Variants in HTRA3 observed in about 807,000 individuals in gnomAD.
HTRA3 encodes HtrA serine peptidase 3.
HTRA3 carries 41 observed loss-of-function variants against 43.2 expected under a neutral mutation model. That is an observed-to-expected ratio of 0.95 (90% confidence interval 0.74 to 1.23). HTRA3 has a LOEUF of 1.23. Ranked by LOEUF, HTRA3 falls within the 50% of genes most tolerant of loss-of-function variation. The probability of loss-of-function intolerance (pLI) is 0.00; values close to 1 mark genes in which losing one functional copy is unlikely to be tolerated. For missense variants in HTRA3, 628 were observed against 647.1 expected, an observed-to-expected ratio of 0.97 and a Z score of 0.32; for synonymous variants, 295 against 287.9, an observed-to-expected ratio of 1.02 and a Z score of -0.25.
rs1424630584 is a variant in HTRA3, at chr4:8,291,370, A to C, written c.709A>C (p.Lys237Gln). 1 of 1,613,286 alleles carries C rather than the reference A, an allele frequency of 6.2e-7. No individual in the cohort carries two copies. Among genetic ancestry groups the C allele is most frequent in the South Asian group, 1.1e-5 (1 of 91,082 alleles). ...TGTGTCTTCTCCTTCTCTCTCCTAG[A>C]AAAAGCTCCCTGTGTTGTTGCTGGG... Reference protein sequence around the residue: ...DIATIKIHPKKKLPVLLLGHS... With the variant: ...DIATIKIHPKQKLPVLLLGHS... The change falls in exon 4 of 9, where the codon AAA becomes CAA. Residue 237 changes from lysine (K) to glutamine (Q), a missense_variant and splice_region_variant. Physicochemically the swap from Lys to Gln is moderately conservative, Grantham distance 53. Transcript: ENST00000307358.
intron 2 of HTRA3, among the ~76,000 whole-genome samples, chr4:8,284,042 A>T (rs1183826612): frequency 2.0e-5 from 3 of 152,040 alleles, no homozygotes; most frequent in Non-Finnish European, 1.5e-5. Context: ...GGCATATAGC[A>T]CCTCAGCATC....
intron 1 of HTRA3, among the ~76,000 whole-genome samples, chr4:8,278,491 A>G (rs918931260): frequency 2.0e-5 from 3 of 151,364 alleles, no homozygotes; most frequent in African/African-American, 7.3e-5. Flanking sequence ...GTTGTCAAAA[A>G]CCCCCAAATA....
At position 8,270,179 on chromosome 4, in the gene HTRA3, G is replaced by A. The variant is rs1460984845; in HGVS notation, c.211G>A (p.Gly71Ser). The A allele has an allele frequency of 2.6e-6, 4 of 1,536,188 alleles. No individual in the cohort carries two copies. In the African/African-American group the frequency reaches 5.7e-5, roughly 22 times the overall value. Residue 71 changes from glycine (G) to serine (S), a missense_variant, in exon 1 of 9, where the codon GGC becomes AGC. Coordinates refer to ENST00000307358, the MANE Select transcript of HTRA3 (RefSeq NM_053044.5). ...TGGCGGCCCTCTGGACTCGCCTTGC[G>A]GCGAGAGCCTGGAGTGCGTGCGCGG... ...PCGGPLDSPC[G>S]ESLECVRGLC...
intron 1 of HTRA3, among the ~76,000 whole-genome samples, chr4:8,278,706 G>T (rs541807682): frequency 1.3e-5 from 2 of 152,314 alleles, no homozygotes; most frequent in East Asian, 3.9e-4. Flanking sequence ...CTGCAGGGGT[G>T]CCCCAGGCTC....
chr4:8,277,222 G>C (rs960328531), intron 1 of HTRA3, among the ~76,000 whole-genome samples: 4 of 152,180 alleles, frequency 2.6e-5, no homozygotes, highest in African/African-American at 9.7e-5. Context: ...TTCACTAGGG[G>C]ACAGGCAAGT....
intron 6 of HTRA3, among the ~76,000 whole-genome samples, chr4:8,301,144 TCA>T (rs914291170): frequency 2.1e-5 from 2 of 96,308 alleles, no homozygotes; most frequent in Admixed American, 1.2e-4. Context: ...CTTATTAGAT[TCA>T]CACTCTTTAT....
At position 8,269,897 on chromosome 4, in the gene HTRA3, G is replaced by C; in HGVS notation, c.-72G>C. 1.3e-6 allele frequency: 1 copy of C among 756,774 alleles called. No individual in the cohort carries two copies. Among genetic ancestry groups the C allele is most frequent in the Non-Finnish European group, 1.6e-6 (1 of 617,562 alleles). The allele number at this position is 756,774 out of a possible 1,614,324, so 46.9% of individuals were successfully genotyped here. On this transcript the variant is annotated 5_prime_UTR_variant, in exon 1 of 9. Transcript: ENST00000307358. ...CCGTAGGCGCCCGGCGCCCGGCCCC[G>C]CAGCGGCCTCGTTGTCCCCGCCGGC...
At chr4:8,276,535 G>C (rs1173336883) in intron 1 of HTRA3, among the ~76,000 whole-genome samples, 2 of 152,238 alleles carry the variant, frequency 1.3e-5, no homozygotes, top group African/African-American at 4.8e-5. Context: ...GTCAAGGCAG[G>C]GAGGGCTTCC....
rs1560141963 is a variant in HTRA3, at chr4:8,295,936, A to T, written c.1051+1735A>T. ...AAGCTGAAGTCTTCTTCTCTTGAACAGTGGGGACCATCTAATCTCTTGAGC... is the reference window on the plus strand; with the variant it reads ...AAGCTGAAGTCTTCTTCTCTTGAACTGTGGGGACCATCTAATCTCTTGAGC... On this transcript the variant is annotated intron_variant, in intron 6 of 8. Coordinates refer to ENST00000307358, the MANE Select transcript of HTRA3 (RefSeq NM_053044.5). This position sits in a 1 kb window ranked among gnomAD's most constrained non-coding sequence, Gnocchi z 6.9. 1 of 1,224,576 alleles carries T rather than the reference A, an allele frequency of 8.2e-7. No homozygotes were observed. The highest frequency in any genetic ancestry group is 1.0e-6 in the Non-Finnish European group (1 of 982,636). The allele number at this position is 1,224,576 out of a possible 1,614,324, so 75.9% of individuals were successfully genotyped here.
intron 5 of HTRA3, 50 bp downstream of exon 5, chr4:8,292,403 A>C: frequency 1.3e-6 from 2 of 1,509,076 alleles, no homozygotes; most frequent in Non-Finnish European, 1.8e-6. Context: ...GGTTCTTCTC[A>C]CATGGGGGTG....
intron 8 of HTRA3, among the ~76,000 whole-genome samples, chr4:8,305,742 C>A (rs560009068): frequency 6.6e-6 from 1 of 152,230 alleles, no homozygotes; most frequent in Non-Finnish European, 1.5e-5. Flanking sequence ...AGCTTGAACC[C>A]ACCCTTCTGA....
chr4:8,305,720 G>A (rs1713817424), intron 8 of HTRA3, among the ~76,000 whole-genome samples: 1 of 152,120 alleles, frequency 6.6e-6, no homozygotes, highest in Admixed American at 6.5e-5. Context: ...CAGCTAGGAG[G>A]GCTGCAGCGG....
In HTRA3 at chr4:8,300,675, ATTT is replaced by A. The variant is rs541265521; in HGVS notation, c.1052-1784_1052-1782del. On this transcript the variant is annotated intron_variant, in intron 6 of 8. Transcript: ENST00000307358. ...TTATTGATCTTAAAGAATCAGCTTT[ATTT>A]TTTATTTTCACTATTGTGTTTCTTT... Among the ~76,000 whole-genome samples the A allele has an allele frequency of 7.2e-5, 11 of 152,098 alleles. No homozygotes were observed. The South Asian group carries it at 1.2e-3, about 17-fold the overall frequency.
At chr4:8,277,692 G>T (rs547314876) in intron 1 of HTRA3, among the ~76,000 whole-genome samples, 1 of 152,228 alleles carries the variant, frequency 6.6e-6, no homozygotes, top group South Asian at 2.1e-4. Context: ...GTGGCAGCAC[G>T]TGAGGCTGCA....
intron 1 of HTRA3, among the ~76,000 whole-genome samples, chr4:8,276,910 A>G (rs571140817): frequency 7.2e-5 from 11 of 152,360 alleles, no homozygotes; most frequent in Admixed American, 2.0e-4. Context: ...TTGCCTGTAA[A>G]ATGGACTCAG....
intron 1 of HTRA3, among the ~76,000 whole-genome samples, chr4:8,276,931 G>A (rs1712549212): frequency 6.6e-6 from 1 of 152,256 alleles, no homozygotes; most frequent in Non-Finnish European, 1.5e-5. Flanking sequence ...TTCCTGTCTT[G>A]CAGAATTGCT....
chr4:8,303,831 T>C (rs1713743485), intron 7 of HTRA3, among the ~76,000 whole-genome samples: 1 of 144,972 alleles, frequency 6.9e-6, no homozygotes, highest in Admixed American at 7.1e-5. Flanking sequence ...TGTCTGTCCA[T>C]TCCATGACTC....
In HTRA3 at chr4:8,282,432, C is replaced by T; in HGVS notation, c.386-5C>T. On this transcript the variant is annotated splice_region_variant and splice_polypyrimidine_tract_variant and intron_variant, in intron 1 of 8. Coordinates refer to ENST00000307358, the MANE Select transcript of HTRA3 (RefSeq NM_053044.5). Reference sequence around the variant, plus strand: ...TGATGCACCTGGCCCTTCCCGCCAGCGCAGGTCTCCACCAGCTGAGCAGCC... The same window carrying T: ...TGATGCACCTGGCCCTTCCCGCCAGTGCAGGTCTCCACCAGCTGAGCAGCC... 3 of 1,611,030 alleles carry T rather than the reference C, an allele frequency of 1.9e-6. No homozygotes were observed. Among genetic ancestry groups the T allele is most frequent in the East Asian group, 2.2e-5 (1 of 44,706 alleles).
rs537960947 is a variant in HTRA3 at position 8,274,883 on chromosome 4, A to G, written c.385+4530A>G. ...CACCGGCTTTTATTGTGCAACCCCA[A>G]GCAGGTTCTGATGGCATCTCCCGGT... On this transcript the variant is annotated intron_variant, in intron 1 of 8. Coordinates refer to ENST00000307358, the MANE Select transcript of HTRA3 (RefSeq NM_053044.5). 2.6e-5 allele frequency among the ~76,000 whole-genome samples: 4 copies of G among 152,268 alleles called. No individual in the cohort carries two copies. The South Asian group carries it at 8.3e-4, about 32-fold the overall frequency.
Sources: gnomAD v4.1 joint callset for allele counts (sites outside exome capture counted in the v4.1 genomes callset) on GRCh38, gnomAD v4.1.1 for gene constraint, Gnocchi (gnomAD v3.1) non-coding constraint, MANE v1.5 for transcripts, NCBI Gene and HGNC (gene_info 2026-07-23, HGNC 2026-07-21) for gene names.